The following CCSER1 variants were observed in gnomAD, a reference collection of about 807,000 sequenced individuals.
CCSER1 encodes the protein coiled-coil serine rich protein 1.
Under a neutral mutation model 82.0 loss-of-function variants are expected in CCSER1, and 41 were observed. That is an observed-to-expected ratio of 0.50 (90% CI 0.39 to 0.65). The LOEUF (loss-of-function observed/expected upper bound fraction) is 0.65, where lower values mean the gene tolerates loss of function less well. Among genes scored for constraint, CCSER1 ranks in the 30% least tolerant of loss-of-function variants. CCSER1 has a pLI of 0.00. For missense variants in CCSER1, 1,119 were observed against 1,064.2 expected, an observed-to-expected ratio of 1.05 and a Z score of -0.72; for synonymous variants, 414 against 383.9, an observed-to-expected ratio of 1.08 and a Z score of -0.92.
intron 10 of CCSER1, among the ~76,000 whole-genome samples, chr4:91,252,048 C>T (rs533859918): frequency 1.6e-4 from 25 of 152,134 alleles, no homozygotes; most frequent in Non-Finnish European, 2.9e-4. Flanking sequence ...TCAAACTTTT[C>T]GAAGACAGAC....
intron 9 of CCSER1, among the ~76,000 whole-genome samples, chr4:90,950,799 A>G (rs749477216): frequency 4.6e-5 from 7 of 152,122 alleles, no homozygotes; most frequent in Non-Finnish European, 1.0e-4. Context: ...GTATTTGTTT[A>G]TCCTACATGT....
intron 1 of CCSER1, among the ~76,000 whole-genome samples, chr4:90,277,193 T>C (rs1196531011): frequency 6.6e-6 from 1 of 152,224 alleles, no homozygotes; most frequent in East Asian, 1.9e-4. Flanking sequence ...CATTCCATGC[T>C]CATGGATTGG....
intron 10 of CCSER1, among the ~76,000 whole-genome samples, chr4:91,125,951 A>C (rs148237357): frequency 6.6e-6 from 1 of 151,820 alleles, no homozygotes; most frequent in Admixed American, 6.6e-5. Context: ...TCCATTTAAA[A>C]AAATTTGCTT....
chr4:90,476,053 T>G (rs1400481089), intron 5 of CCSER1, among the ~76,000 whole-genome samples: 1 of 151,926 alleles, frequency 6.6e-6, no homozygotes, highest in Non-Finnish European at 1.5e-5. Context: ...TGTATGTGTG[T>G]GTGTGTGGGT....
chr4:91,602,596 G>A lies in CCSER1; in HGVS notation c.*3539G>A, dbSNP rs998255016. ...AGCAGTGGATAATTTGGAATACTTA[G>A]CATAATCTCATAATTATAATCTAAA... On this transcript the variant is annotated 3_prime_UTR_variant, in exon 11 of 11. Coordinates refer to ENST00000509176, the MANE Select transcript of CCSER1 (RefSeq NM_001145065.2). Among the ~76,000 whole-genome samples the A allele has an allele frequency of 1.3e-4, 20 of 151,884 alleles. No homozygotes were observed. Among genetic ancestry groups the A allele is most frequent in the African/African-American group, 4.3e-4 (18 of 41,382 alleles).
chr4:90,758,832 A>G (rs1277913933), intron 7 of CCSER1, among the ~76,000 whole-genome samples: 2 of 152,220 alleles, frequency 1.3e-5, no homozygotes, highest in African/African-American at 4.8e-5. Context: ...ATAGTGTAGT[A>G]GGATGGTTAA....
chr4:90,827,992 A>T lies in CCSER1; in HGVS notation c.2094+12147A>T, dbSNP rs151255487. Among the ~76,000 whole-genome samples, 9 of 152,194 alleles carry T rather than the reference A, an allele frequency of 5.9e-5. No homozygotes were observed. The East Asian group carries it at 1.6e-3, about 26-fold the overall frequency. ...GAAAAAATGAATGGGCCCTCAGAAG[A>T]ATACATGGTGGTTTGTGACAAAGTT... On this transcript the variant is annotated intron_variant, in intron 8 of 10. Coordinates refer to ENST00000509176, the MANE Select transcript of CCSER1 (RefSeq NM_001145065.2).
At chr4:90,969,697 G>A (rs1734904024) in intron 9 of CCSER1, among the ~76,000 whole-genome samples, 1 of 151,920 alleles carries the variant, frequency 6.6e-6, no homozygotes, top group Non-Finnish European at 1.5e-5. Flanking sequence ...TCAAGATGAA[G>A]CAAAATATGC....
chr4:90,183,547 A>C (rs1338522568), intron 1 of CCSER1, among the ~76,000 whole-genome samples: 1 of 152,136 alleles, frequency 6.6e-6, no homozygotes, highest in Non-Finnish European at 1.5e-5. Context: ...GCACACACAC[A>C]TGCATGCACA....
intron 3 of CCSER1, among the ~76,000 whole-genome samples, chr4:90,373,091 T>C (rs1014972560): frequency 2.0e-5 from 3 of 152,070 alleles, no homozygotes; most frequent in East Asian, 3.9e-4. Flanking sequence ...TTAGGTAGTA[T>C]GCTGGAGCAA....
intron 10 of CCSER1, among the ~76,000 whole-genome samples, chr4:91,173,593 C>CAAA (rs55747744): frequency 1.9e-5 from 2 of 104,732 alleles, no homozygotes; most frequent in African/African-American, 3.7e-5. Context: ...GACTCCGTCT[C>CAAA]AAAAAAAAAA....
At chr4:91,517,307 C>A (rs1235578393) in intron 10 of CCSER1, among the ~76,000 whole-genome samples, 1 of 152,090 alleles carries the variant, frequency 6.6e-6, no homozygotes, top group Non-Finnish European at 1.5e-5. Context: ...GCTATTGCCC[C>A]TTCCATATGA....
chr4:91,303,871 G>A (rs900197933), intron 10 of CCSER1, among the ~76,000 whole-genome samples: 4 of 152,022 alleles, frequency 2.6e-5, no homozygotes, highest in Non-Finnish European at 5.9e-5. Context: ...ATTGTATCAT[G>A]TAAATATAAA....
chr4:90,150,200 G>T (rs1726560774), intron 1 of CCSER1, among the ~76,000 whole-genome samples: 1 of 152,192 alleles, frequency 6.6e-6, no homozygotes, highest in Non-Finnish European at 1.5e-5. Flanking sequence ...AATATGTGCA[G>T]ATTCTGGTAT....
intron 1 of CCSER1, among the ~76,000 whole-genome samples, chr4:90,190,847 G>C (rs1735487320): frequency 6.6e-6 from 1 of 151,994 alleles, no homozygotes; most frequent in Non-Finnish European, 1.5e-5. Context: ...GAACAAAATG[G>C]TTATTATCAT....
chr4:90,456,039 G>C (rs1042936240), intron 4 of CCSER1, among the ~76,000 whole-genome samples: 3 of 152,122 alleles, frequency 2.0e-5, no homozygotes, highest in African/African-American at 4.8e-5. Flanking sequence ...CCCATCTCTT[G>C]CTTCCTTATT....
At chr4:90,138,717 TTTTAC>T in intron 1 of CCSER1, among the ~76,000 whole-genome samples, 1 of 152,122 alleles carries the variant, frequency 6.6e-6, no homozygotes, top group Non-Finnish European at 1.5e-5. Flanking sequence ...TTTTTAATTA[TTTTAC>T]TTTAAGTTCT....
chr4:90,147,605 C>G (rs1726052877), intron 1 of CCSER1, among the ~76,000 whole-genome samples: 1 of 152,084 alleles, frequency 6.6e-6, no homozygotes, highest in Non-Finnish European at 1.5e-5. Flanking sequence ...TTGAACAATT[C>G]AGGTGTACTA....
chr4:90,230,063 G>A (rs1375847819), intron 1 of CCSER1, among the ~76,000 whole-genome samples: 4 of 152,106 alleles, frequency 2.6e-5, no homozygotes, highest in Non-Finnish European at 4.4e-5. Flanking sequence ...ACAGATCAAC[G>A]AGACAGAAAG....
Sources: gnomAD v4.1 joint callset for allele counts (sites outside exome capture counted in the v4.1 genomes callset) on GRCh38, gnomAD v4.1.1 for gene constraint, MANE v1.5 for transcripts, NCBI Gene and HGNC (gene_info 2026-07-23, HGNC 2026-07-21) for gene names.